Variants in NAALADL2 observed in about 807,000 individuals in gnomAD.
The protein encoded by NAALADL2 is N-acetylated alpha-linked acidic dipeptidase like 2, also known as inactive N-acetylated-alpha-linked acidic dipeptidase-like protein 2.
In NAALADL2, 76 loss-of-function variants were observed where a neutral mutation model predicts 87.2. The observed-to-expected ratio is 0.87, with a 90% CI of 0.72 to 1.05. The LOEUF is 1.05. Ranked by LOEUF, NAALADL2 falls within the 50% of genes least tolerant of loss-of-function variation. NAALADL2 has a pLI of 0.00. For missense variants in NAALADL2, 1,089 were observed against 945.8 expected (o/e 1.15, Z -1.99); for synonymous variants, 354 against 331.0 (o/e 1.07, Z -0.75).
intron 3 of NAALADL2, among the ~76,000 whole-genome samples, chr3:174,836,585 T>C (rs1182285022): frequency 6.6e-6 from 1 of 151,884 alleles, no homozygotes; most frequent in Non-Finnish European, 1.5e-5. Flanking sequence ...GGTGGGTGCC[T>C]GTGGTCCCAG....
chr3:174,824,164 A>C (rs963248798), intron 3 of NAALADL2, among the ~76,000 whole-genome samples: 3 of 152,148 alleles, frequency 2.0e-5, no homozygotes, highest in Non-Finnish European at 4.4e-5. Flanking sequence ...GTGTAATTTT[A>C]TTTAATTATG....
At chr3:175,180,200 C>A (rs1531386) in intron 2 of NAALADL2, among the ~76,000 whole-genome samples, 3 of 151,726 alleles carry the variant, frequency 2.0e-5, no homozygotes, top group African/African-American at 7.3e-5. Flanking sequence ...GTTCTGAGTA[C>A]GTATTTGGCC....
At chr3:175,358,073 C>G (rs1764584377) in intron 5 of NAALADL2, among the ~76,000 whole-genome samples, 1 of 152,040 alleles carries the variant, frequency 6.6e-6, no homozygotes, top group South Asian at 2.1e-4. Context: ...ATGATGAAAA[C>G]CATAAAATCG....
intron 1 of NAALADL2, among the ~76,000 whole-genome samples, chr3:174,967,165 C>T (rs138442849): frequency 0.011 from 1,638 of 151,988 alleles, 36 homozygotes; most frequent in African/African-American, 0.037. Flanking sequence ...ATAGTGGTCC[C>T]TTTTTTAAAG....
intron 11 of NAALADL2, among the ~76,000 whole-genome samples, chr3:175,646,900 T>C (rs1730087162): frequency 6.6e-6 from 1 of 152,100 alleles, no homozygotes; most frequent in South Asian, 2.1e-4. Flanking sequence ...AAAGAGTAGA[T>C]AATGCTGCAG....
In NAALADL2 at chr3:175,810,078, A is replaced by G. The variant is rs1458679276; in HGVS notation, c.*6875A>G. 6.6e-6 allele frequency: 1 copy of G among 152,024 alleles called. No individual in the cohort carries two copies. Among genetic ancestry groups the G allele is most frequent in the African/African-American group, 2.4e-5 (1 of 41,432 alleles). 9.4% of individuals were successfully genotyped at this position (152,024 alleles called of 1,614,324 possible). ...CTGGATTCAGAAATCTTTTCATTGT[A>G]CAGAGATTTCATTGTCATTGTCGTT... On this transcript the variant is annotated 3_prime_UTR_variant, in exon 14 of 14. Coordinates refer to ENST00000454872, the MANE Select transcript of NAALADL2 (RefSeq NM_207015.3).
chr3:174,791,405 T>C (rs1301795000), intron 3 of NAALADL2, among the ~76,000 whole-genome samples: 1 of 152,172 alleles, frequency 6.6e-6, no homozygotes, highest in African/African-American at 2.4e-5. Flanking sequence ...CATCCATCCT[T>C]CCACCACGTG....
At chr3:174,972,684 G>A (rs1174347767) in intron 1 of NAALADL2, among the ~76,000 whole-genome samples, 15 of 152,160 alleles carry the variant, frequency 9.9e-5, no homozygotes, top group Non-Finnish European at 2.1e-4. Flanking sequence ...CTATAACAAA[G>A]GGTTTTGGTT....
intron 11 of NAALADL2, among the ~76,000 whole-genome samples, chr3:175,637,834 T>C (rs1371171678): frequency 2.0e-5 from 3 of 152,212 alleles, no homozygotes; most frequent in African/African-American, 7.2e-5. Flanking sequence ...TACACACTTT[T>C]GGTTAGGTGC....
At chr3:175,514,877 T>G (rs1195897307) in intron 9 of NAALADL2, among the ~76,000 whole-genome samples, 1 of 152,220 alleles carries the variant, frequency 6.6e-6, no homozygotes, top group African/African-American at 2.4e-5. Flanking sequence ...TTTGATATTT[T>G]CTAAGCAGAT....
intron 1 of NAALADL2, among the ~76,000 whole-genome samples, chr3:174,947,729 GACAC>G (rs745682640): frequency 1.3e-5 from 2 of 150,510 alleles, no homozygotes; most frequent in East Asian, 1.9e-4. Context: ...TATATATACA[GACAC>G]ACACACACAC....
At chr3:175,561,934 A>G (rs1716338157) in intron 9 of NAALADL2, among the ~76,000 whole-genome samples, 1 of 152,204 alleles carries the variant, frequency 6.6e-6, no homozygotes. Context: ...TAATTATTTG[A>G]CATCCAAGTG....
chr3:175,026,206 A>G (rs1303011583), intron 1 of NAALADL2, among the ~76,000 whole-genome samples: 1 of 152,136 alleles, frequency 6.6e-6, no homozygotes, highest in Non-Finnish European at 1.5e-5. Flanking sequence ...TAATAGGTTT[A>G]TAAAGCTCCA....
intron 2 of NAALADL2, among the ~76,000 whole-genome samples, chr3:174,711,225 G>C (rs1053674927): frequency 2.6e-5 from 4 of 152,256 alleles, no homozygotes; most frequent in Middle Eastern, 6.8e-3. Context: ...TGATGATTCA[G>C]ACTGGTCAAA....
At chr3:174,819,058 C>CT (rs3040106) in intron 3 of NAALADL2, among the ~76,000 whole-genome samples, 4,053 of 47,464 alleles carry the variant, frequency 0.085, 1,116 homozygotes, top group Non-Finnish European at 0.12. Flanking sequence ...ACCATTTATT[C>CT]TTTTTTTTTT....
chr3:175,772,961 T>C (rs1749709530), intron 13 of NAALADL2, among the ~76,000 whole-genome samples: 2 of 152,142 alleles, frequency 1.3e-5, no homozygotes, highest in Non-Finnish European at 2.9e-5. Flanking sequence ...AAGAAATAGA[T>C]ACAGAGAAAT....
intron 5 of NAALADL2, among the ~76,000 whole-genome samples, chr3:175,411,994 G>A (rs1262746250): frequency 6.6e-6 from 1 of 152,066 alleles, no homozygotes; most frequent in Non-Finnish European, 1.5e-5. Flanking sequence ...GATAAATTCT[G>A]TAAACCCTGA....
chr3:175,387,987 T>G (rs1041747375), intron 5 of NAALADL2, among the ~76,000 whole-genome samples: 1 of 152,184 alleles, frequency 6.6e-6, no homozygotes, highest in African/African-American at 2.4e-5. Context: ...CTAAATTCCT[T>G]AGGGGATTTA....
At chr3:175,168,542 T>G (rs1734313570) in intron 2 of NAALADL2, among the ~76,000 whole-genome samples, 1 of 151,898 alleles carries the variant, frequency 6.6e-6, no homozygotes, top group East Asian at 1.9e-4. Context: ...TGTACTGTTC[T>G]GATTTTAATA....
Sources: allele counts gnomAD v4.1 joint callset (sites outside exome capture counted in the v4.1 genomes callset), GRCh38; gene constraint gnomAD v4.1.1; transcripts MANE v1.5; gene names NCBI Gene and HGNC (gene_info 2026-07-23, HGNC 2026-07-21).